The following CNTN5 variants were observed in gnomAD, a reference collection of about 807,000 sequenced individuals.
CNTN5 encodes contactin 5.
Under a neutral mutation model 129.1 loss-of-function variants are expected in CNTN5, and 77 were observed. The observed-to-expected ratio is 0.60, with a 90% CI of 0.50 to 0.72. The LOEUF is 0.72. Ranked by LOEUF, CNTN5 falls within the 30% of genes least tolerant of loss-of-function variation. The pLI is 0.00. For synonymous variants in CNTN5, 509 were observed against 465.6 expected (o/e 1.09, Z -1.20); for missense variants, 1,478 against 1,328.8 (o/e 1.11, Z -1.75).
intron 1 of CNTN5, among the ~76,000 whole-genome samples, chr11:99,071,146 C>G (rs560118429): frequency 3.9e-5 from 6 of 152,192 alleles, no homozygotes; most frequent in African/African-American, 1.4e-4. Context: ...AAGCCTATAA[C>G]TACTGCATTT....
intron 13 of CNTN5, among the ~76,000 whole-genome samples, chr11:100,100,034 T>C (rs1190617229): frequency 6.6e-6 from 1 of 152,150 alleles, no homozygotes; most frequent in African/African-American, 2.4e-5. Context: ...TTAGTTCCAA[T>C]TATCCATTTG....
At chr11:99,602,316 A>C (rs1410919876) in intron 3 of CNTN5, among the ~76,000 whole-genome samples, 1 of 152,098 alleles carries the variant, frequency 6.6e-6, no homozygotes, top group South Asian at 2.1e-4. Flanking sequence ...TTTGATGGAG[A>C]ATAGAAATAG....
intron 6 of CNTN5, among the ~76,000 whole-genome samples, chr11:99,855,707 A>G (rs970545349): frequency 6.6e-6 from 1 of 152,288 alleles, no homozygotes; most frequent in East Asian, 1.9e-4. Context: ...TTCCAGGGAA[A>G]TATTCTGCCA....
chr11:99,385,284 A>G (rs1940856913), intron 2 of CNTN5, among the ~76,000 whole-genome samples: 1 of 152,096 alleles, frequency 6.6e-6, no homozygotes, highest in Non-Finnish European at 1.5e-5. Context: ...TTTGATCAAC[A>G]TCAACGTCTT....
intron 3 of CNTN5, among the ~76,000 whole-genome samples, chr11:99,737,329 A>G (rs940874998): frequency 2.6e-5 from 4 of 152,116 alleles, no homozygotes; most frequent in African/African-American, 9.7e-5. Flanking sequence ...TCCAGTTTAA[A>G]CGTTCTTATA....
At chr11:99,966,433 A>G (rs1048238653) in intron 8 of CNTN5, among the ~76,000 whole-genome samples, 7 of 152,172 alleles carry the variant, frequency 4.6e-5, no homozygotes, top group Non-Finnish European at 8.8e-5. Flanking sequence ...GACCGCTTCT[A>G]CAGGCATCTT....
chr11:99,091,002 A>G (rs1320135912), intron 1 of CNTN5, among the ~76,000 whole-genome samples: 3 of 138,014 alleles, frequency 2.2e-5, no homozygotes, highest in Non-Finnish European at 4.5e-5. Context: ...AGCCTGGGCG[A>G]CAGAGCGAGA....
At chr11:100,067,047 C>G (rs1215602775) in intron 10 of CNTN5, among the ~76,000 whole-genome samples, 2 of 151,440 alleles carry the variant, frequency 1.3e-5, no homozygotes. Context: ...TTGCCTCGGA[C>G]CATATAGTAT....
intron 3 of CNTN5, among the ~76,000 whole-genome samples, chr11:99,679,197 A>AAT (rs34768290): frequency 0.26 from 38,407 of 145,930 alleles, 5,364 homozygotes; most frequent in African/African-American, 0.35. Flanking sequence ...ATATATAGGG[A>AAT]ATATATATAT....
intron 8 of CNTN5, among the ~76,000 whole-genome samples, chr11:99,985,672 T>C (rs56336473): frequency 0.011 from 1,667 of 152,260 alleles, 39 homozygotes; most frequent in African/African-American, 0.038. Flanking sequence ...GCCTCCTGCC[T>C]CTATCAAAGC....
intron 3 of CNTN5, among the ~76,000 whole-genome samples, chr11:99,597,809 C>A (rs1352862639): frequency 6.6e-6 from 1 of 152,084 alleles, no homozygotes; most frequent in Admixed American, 6.6e-5. Context: ...TGAGTAATCA[C>A]CCCACAGCTT....
At chr11:99,787,306 T>C (rs1945566720) in intron 3 of CNTN5, among the ~76,000 whole-genome samples, 1 of 151,652 alleles carries the variant, frequency 6.6e-6, no homozygotes, top group Non-Finnish European at 1.5e-5. Flanking sequence ...ATTTTTAAAT[T>C]ATCATTTAAG....
chr11:99,901,669 T>A (rs1305995701), intron 6 of CNTN5, among the ~76,000 whole-genome samples: 1 of 152,208 alleles, frequency 6.6e-6, no homozygotes, highest in Non-Finnish European at 1.5e-5. Context: ...CCACTGAGAT[T>A]TATTCATTCA....
At chr11:100,164,602 G>A (rs1947565735) in intron 13 of CNTN5, among the ~76,000 whole-genome samples, 2 of 151,802 alleles carry the variant, frequency 1.3e-5, no homozygotes, top group South Asian at 2.1e-4. Context: ...ATTCTCCATC[G>A]TTTATACCAT....
intron 3 of CNTN5, among the ~76,000 whole-genome samples, chr11:99,749,464 T>C (rs1365916275): frequency 6.6e-6 from 1 of 152,194 alleles, no homozygotes. Flanking sequence ...TCTCAGTAAA[T>C]ATTATCTGGC....
chr11:99,608,931 T>G (rs1170381459), intron 3 of CNTN5, among the ~76,000 whole-genome samples: 1 of 152,202 alleles, frequency 6.6e-6, no homozygotes, highest in Non-Finnish European at 1.5e-5. Context: ...ACATAGACAT[T>G]GCAATCTGCT....
At chr11:100,346,834 A>G (rs1009049059) in intron 23 of CNTN5, among the ~76,000 whole-genome samples, 9 of 152,146 alleles carry the variant, frequency 5.9e-5, no homozygotes, top group Non-Finnish European at 1.2e-4. Context: ...TTTGTAAAAG[A>G]AAGAGTTTTA....
intron 1 of CNTN5, among the ~76,000 whole-genome samples, chr11:99,199,697 T>G (rs1859073589): frequency 6.6e-6 from 1 of 152,142 alleles, no homozygotes; most frequent in Admixed American, 6.5e-5. Context: ...TTGTTAAGGC[T>G]CATAACTCAC....
At chr11:99,819,302 TCCCTCCCCTCTCCTCCCCTCCCCTC>T (rs1946697029) in intron 3 of CNTN5, among the ~76,000 whole-genome samples, 3 of 4,784 alleles carry the variant, frequency 6.3e-4, no homozygotes, top group African/African-American at 9.0e-4. Flanking sequence ...CTCCTCCCCT[TCCCTCCCCTCTCCTCCCCTCCCCTC>T]CCCTCCCCTC....
Sources: allele counts gnomAD v4.1 joint callset (sites outside exome capture counted in the v4.1 genomes callset), GRCh38; gene constraint gnomAD v4.1.1; transcripts MANE v1.5; gene names NCBI Gene and HGNC (gene_info 2026-07-23, HGNC 2026-07-21).